Variants in VSTM2L observed in about 807,000 individuals in gnomAD.
VSTM2L encodes V-set and transmembrane domain-containing protein 2-like protein.
In VSTM2L, 9 loss-of-function variants were observed where a neutral mutation model predicts 19.9. The observed-to-expected ratio is 0.45, with a 90% CI of 0.27 to 0.79. VSTM2L has a LOEUF of 0.79. Among genes scored for constraint, VSTM2L ranks in the 30% least tolerant of loss-of-function variants. The pLI is 0.15. For synonymous variants in VSTM2L, 127 were observed against 133.8 expected, an observed-to-expected ratio of 0.95 and a Z score of 0.35; for missense variants, 286 against 295.5, an observed-to-expected ratio of 0.97 and a Z score of 0.24.
At chr20:37,914,157 ATGTGTGTGG>A (rs1289323215) in intron 1 of VSTM2L, among the ~76,000 whole-genome samples, 1 of 149,062 alleles carries the variant, frequency 6.7e-6, no homozygotes, top group Non-Finnish European at 1.5e-5. Context: ...GCGTGTGTGT[ATGTGTGTGG>A]TGTGTGTGCA....
chr20:37,933,385 T>A (rs1047227490), intron 2 of VSTM2L, among the ~76,000 whole-genome samples, 154 bp from the exon 3 acceptor site: 5 of 152,070 alleles, frequency 3.3e-5, no homozygotes, highest in African/African-American at 1.2e-4. Context: ...GGACCCCAAC[T>A]CCAGACTCCA....
chr20:37,921,801 A>C (rs935458696), intron 1 of VSTM2L, among the ~76,000 whole-genome samples: 20 of 106,844 alleles, frequency 1.9e-4, no homozygotes, highest in African/African-American at 7.0e-4. Flanking sequence ...AGTTCAGGGG[A>C]TTTTTGTTTT....
rs1011502559 is a variant in VSTM2L at position 37,917,015 on chromosome 20, T to G, written c.121+13544T>G. 5.3e-5 allele frequency among the ~76,000 whole-genome samples: 8 copies of G among 152,134 alleles called. 1 individual carries two copies. The highest frequency in any genetic ancestry group is 1.2e-4 in the African/African-American group (5 of 41,426). ...ACTAGATGCGACTCAATTGTCCACTTTAAAGTGGTTAATTTTGGCCAGGTG... is the reference window on the plus strand; with the variant it reads ...ACTAGATGCGACTCAATTGTCCACTGTAAAGTGGTTAATTTTGGCCAGGTG... On this transcript the variant is annotated intron_variant, in intron 1 of 3. Coordinates refer to ENST00000373461, the MANE Select transcript of VSTM2L (RefSeq NM_080607.3).
chr20:37,933,491 T>A, intron 2 of VSTM2L, 48 bp from the exon 3 acceptor site: 13 of 1,165,580 alleles, frequency 1.1e-5, no homozygotes, highest in Non-Finnish European at 1.5e-5. Flanking sequence ...CCCCACCCTG[T>A]GCTAACACCT....
chr20:37,915,860 C>T (rs2122947598), intron 1 of VSTM2L, among the ~76,000 whole-genome samples: 1 of 152,240 alleles, frequency 6.6e-6, no homozygotes, highest in South Asian at 2.1e-4. Context: ...TCTGGAACAT[C>T]CCAAGTGCCT....
intron 3 of VSTM2L, among the ~76,000 whole-genome samples, chr20:37,943,622 A>C (rs1485393495): frequency 6.6e-6 from 1 of 151,906 alleles, no homozygotes; most frequent in Admixed American, 6.6e-5. Context: ...AGTATAGAGT[A>C]GGTGTCTGTG....
intron 1 of VSTM2L, among the ~76,000 whole-genome samples, chr20:37,926,974 T>A (rs539047861): frequency 4.1e-4 from 62 of 152,352 alleles, no homozygotes; most frequent in African/African-American, 1.4e-3. Context: ...TCATTAGTAA[T>A]TTCTTTTTTC....
intron 1 of VSTM2L, among the ~76,000 whole-genome samples, chr20:37,924,279 G>A (rs1327697418): frequency 8.6e-5 from 13 of 151,500 alleles, no homozygotes; most frequent in South Asian, 4.2e-4. Context: ...ATGGCCAGGC[G>A]CGATGGCTCA....
intron 1 of VSTM2L, among the ~76,000 whole-genome samples, chr20:37,919,096 T>C (rs1417009693): frequency 6.6e-6 from 1 of 152,182 alleles, no homozygotes; most frequent in African/African-American, 2.4e-5. Context: ...CTGGGAAGCC[T>C]GGCACGGGGC....
chr20:37,927,915 C>T (rs935099033), intron 1 of VSTM2L, among the ~76,000 whole-genome samples: 1 of 152,228 alleles, frequency 6.6e-6, no homozygotes, highest in Non-Finnish European at 1.5e-5. Context: ...CATGCAGTGG[C>T]TGAGTCACAC....
At chr20:37,938,767 G>A (rs1203412126) in intron 3 of VSTM2L, among the ~76,000 whole-genome samples, 2 of 152,222 alleles carry the variant, frequency 1.3e-5, no homozygotes, top group East Asian at 1.9e-4. Flanking sequence ...CCCTTTCTTC[G>A]TGGGCTCTCC....
chr20:37,916,033 A>C (rs2072816583), intron 1 of VSTM2L, among the ~76,000 whole-genome samples: 1 of 151,986 alleles, frequency 6.6e-6, no homozygotes, highest in South Asian at 2.1e-4. Flanking sequence ...GAGCAAATCC[A>C]TCCCTGTGAT....
intron 1 of VSTM2L, among the ~76,000 whole-genome samples, chr20:37,921,837 C>CTTTTTTTTTTTTTTTTTT (rs1568837638): frequency 4.7e-5 from 6 of 126,608 alleles, no homozygotes; most frequent in African/African-American, 2.1e-4. Flanking sequence ...TCTTTCTTTT[C>CTTTTTTTTTTTTTTTTTT]CTTTTTTTTT....
chr20:37,938,870 C>A (rs1365142422), intron 3 of VSTM2L, among the ~76,000 whole-genome samples: 1 of 152,096 alleles, frequency 6.6e-6, no homozygotes. Flanking sequence ...TATTGGGCCC[C>A]CTCCCGTGGG....
intron 2 of VSTM2L, 83 bp from the exon 3 acceptor site, chr20:37,933,456 G>A (rs2072922077): frequency 8.8e-7 from 1 of 1,133,110 alleles, no homozygotes; most frequent in Non-Finnish European, 1.3e-6. Context: ...TCCCTATAAT[G>A]TGTCTCCCCA....
At chr20:37,927,475 C>T (rs954166337) in intron 1 of VSTM2L, among the ~76,000 whole-genome samples, 10 of 152,258 alleles carry the variant, frequency 6.6e-5, no homozygotes, top group African/African-American at 2.2e-4. Context: ...CTTCTGGTGT[C>T]CCGGTGGAGA....
chr20:37,932,866 C>T (rs761094729), intron 2 of VSTM2L, among the ~76,000 whole-genome samples: 7 of 152,242 alleles, frequency 4.6e-5, no homozygotes, highest in African/African-American at 7.2e-5. Context: ...TATCTGCACA[C>T]ATTCACAAAC....
At position 37,924,278 on chromosome 20, in the gene VSTM2L, C is replaced by A. The variant is rs1020397569; in HGVS notation, c.122-7357C>A. Among the ~76,000 whole-genome samples the A allele has an allele frequency of 2.0e-5, 3 of 150,944 alleles. No individual in the cohort carries two copies. In the South Asian group the frequency reaches 6.3e-4, roughly 32 times the overall value. On this transcript the variant is annotated intron_variant, in intron 1 of 3. Transcript: ENST00000373461. Reference sequence around the variant, plus strand: ...CAAAAAATAAATAAACATGGCCAGGCGCGATGGCTCATGCCTGAAATCCCA... The same window carrying A: ...CAAAAAATAAATAAACATGGCCAGGAGCGATGGCTCATGCCTGAAATCCCA...
chr20:37,935,193 A>G (rs1008626054), intron 3 of VSTM2L, among the ~76,000 whole-genome samples: 2 of 152,176 alleles, frequency 1.3e-5, no homozygotes, highest in East Asian at 1.9e-4. Flanking sequence ...AATAAAATAA[A>G]TGTGCTCAGC....
Sources: gnomAD v4.1 joint callset for allele counts (sites outside exome capture counted in the v4.1 genomes callset) on GRCh38, gnomAD v4.1.1 for gene constraint, MANE v1.5 for transcripts, NCBI Gene and HGNC (gene_info 2026-07-23, HGNC 2026-07-21) for gene names.